TSNARE1: variants seen among roughly 807,000 people sequenced by gnomAD.
TSNARE1 encodes the protein t-SNARE domain containing 1, also known as t-SNARE domain-containing protein 1.
Under a neutral mutation model 62.0 loss-of-function variants are expected in TSNARE1, and 49 were observed. That is an observed-to-expected ratio of 0.79 (90% CI 0.63 to 1.00). TSNARE1 has a LOEUF of 1.00. Among genes scored for constraint, TSNARE1 ranks in the 50% least tolerant of loss-of-function variants. The pLI is 0.00. For synonymous variants in TSNARE1, 328 were observed against 294.4 expected (o/e 1.11, Z -1.17); for missense variants, 755 against 700.1 (o/e 1.08, Z -0.88).
chr8:142,259,174 G>A (rs940871594), intron 12 of TSNARE1, among the ~76,000 whole-genome samples: 4 of 152,252 alleles, frequency 2.6e-5, no homozygotes, highest in Admixed American at 6.5e-5. Flanking sequence ...CTGAGGACGG[G>A]GCCGAGGGGC....
chr8:142,334,006 G>A (rs373661210), intron 4 of TSNARE1, among the ~76,000 whole-genome samples: 3 of 152,252 alleles, frequency 2.0e-5, no homozygotes, highest in East Asian at 1.9e-4. Context: ...GCCTAAAGGC[G>A]CCTCCTTACA....
intron 1 of TSNARE1, among the ~76,000 whole-genome samples, chr8:142,380,577 C>T (rs552881288): frequency 3.3e-5 from 5 of 150,688 alleles, no homozygotes; most frequent in East Asian, 2.0e-4. Context: ...CTCCATGGGG[C>T]TCCCCAGCCA....
At chr8:142,250,122 TG>T (rs1818091392) in intron 12 of TSNARE1, among the ~76,000 whole-genome samples, 1 of 152,122 alleles carries the variant, frequency 6.6e-6, no homozygotes, top group African/African-American at 2.4e-5. Flanking sequence ...AGCGCAGCAG[TG>T]TGCTGGAGTC....
At chr8:142,225,944 G>T (rs1173348768) in intron 13 of TSNARE1, among the ~76,000 whole-genome samples, 5 of 152,172 alleles carry the variant, frequency 3.3e-5, no homozygotes, top group African/African-American at 4.8e-5. Context: ...GGTGCCAGGT[G>T]TTTCTAGGCT....
At chr8:142,237,323 G>C (rs1013194160) in intron 12 of TSNARE1, among the ~76,000 whole-genome samples, 2 of 152,244 alleles carry the variant, frequency 1.3e-5, no homozygotes, top group Admixed American at 6.5e-5. Flanking sequence ...GTCTTGGCCT[G>C]TTCAGGCCTG....
At chr8:142,337,034 GA>G (rs980079262) in intron 4 of TSNARE1, among the ~76,000 whole-genome samples, 10 of 149,900 alleles carry the variant, frequency 6.7e-5, no homozygotes, top group South Asian at 2.1e-4. Context: ...TAAATACTTA[GA>G]AAAAAAAAGA....
intron 9 of TSNARE1, among the ~76,000 whole-genome samples, chr8:142,308,621 GGT>G (rs1827085351): frequency 6.6e-6 from 1 of 152,094 alleles, no homozygotes; most frequent in Admixed American, 6.5e-5. Flanking sequence ...TCCACGGGCT[GGT>G]GTGTCTAGCC....
chr8:142,312,931 C>T (rs1269432632), intron 9 of TSNARE1, among the ~76,000 whole-genome samples: 1 of 152,238 alleles, frequency 6.6e-6, no homozygotes, highest in Non-Finnish European at 1.5e-5. Flanking sequence ...ATGCGTGCCT[C>T]TCTAGGCTTG....
intron 12 of TSNARE1, among the ~76,000 whole-genome samples, chr8:142,244,981 G>A (rs1180649221): frequency 1.3e-5 from 2 of 152,222 alleles, no homozygotes; most frequent in South Asian, 2.1e-4. Flanking sequence ...CCATCATTAC[G>A]ACGGAAAAAA....
At chr8:142,328,937 G>A (rs1023305550) in intron 6 of TSNARE1, among the ~76,000 whole-genome samples, 5 of 152,296 alleles carry the variant, frequency 3.3e-5, no homozygotes, top group African/African-American at 9.6e-5. Flanking sequence ...ATGTATTCGG[G>A]TGGAAGGACC....
chr8:142,294,541 G>A (rs1002433954), intron 10 of TSNARE1, among the ~76,000 whole-genome samples: 9 of 152,180 alleles, frequency 5.9e-5, no homozygotes, highest in East Asian at 1.9e-4. Flanking sequence ...CTGTGTGGCC[G>A]TGGGCACCCT....
intron 9 of TSNARE1, among the ~76,000 whole-genome samples, chr8:142,304,476 C>T (rs566101267): frequency 6.6e-6 from 1 of 152,338 alleles, no homozygotes; most frequent in East Asian, 1.9e-4. Context: ...TCAAGCTCCA[C>T]CCACACGGTC....
chr8:142,264,140 CCTAG>C (rs1290128356), intron 12 of TSNARE1, among the ~76,000 whole-genome samples: 4 of 152,148 alleles, frequency 2.6e-5, no homozygotes, highest in African/African-American at 7.2e-5. Flanking sequence ...TGTCTTTGTA[CCTAG>C]CTATTAACTT....
intron 9 of TSNARE1, among the ~76,000 whole-genome samples, chr8:142,306,124 ACT>A (rs1392302531): frequency 5.3e-5 from 8 of 152,034 alleles, no homozygotes; most frequent in South Asian, 2.1e-4. Context: ...GCAGCAACAG[ACT>A]CTATTTATTC....
chr8:142,221,086 C>T (rs1816189316), intron 13 of TSNARE1, among the ~76,000 whole-genome samples: 1 of 152,256 alleles, frequency 6.6e-6, no homozygotes, highest in Non-Finnish European at 1.5e-5. Flanking sequence ...TCCTGCCTCA[C>T]TCCACCGTGC....
chr8:142,370,617 C>A (rs1205540170), intron 1 of TSNARE1, among the ~76,000 whole-genome samples: 1 of 151,856 alleles, frequency 6.6e-6, no homozygotes, highest in Non-Finnish European at 1.5e-5. Flanking sequence ...GCTCAGAGAA[C>A]ACTACAGAAA....
intron 6 of TSNARE1, 145 bp from the exon 7 acceptor site, chr8:142,318,779 G>T (rs1828991923): frequency 3.0e-6 from 2 of 660,360 alleles, no homozygotes; most frequent in Non-Finnish European, 5.3e-6. Context: ...AGAGGGCCGA[G>T]AGACACACAG....
At chr8:142,344,927 GC>G (rs1200343530) in intron 3 of TSNARE1, among the ~76,000 whole-genome samples, 1 of 152,212 alleles carries the variant, frequency 6.6e-6, no homozygotes, top group African/African-American at 2.4e-5. Context: ...ACAACTAAGA[GC>G]CCTCTGAGCA....
intron 13 of TSNARE1, among the ~76,000 whole-genome samples, chr8:142,220,810 G>C (rs936755214): frequency 6.6e-6 from 1 of 152,162 alleles, no homozygotes; most frequent in Non-Finnish European, 1.5e-5. Context: ...TAAAAACCTG[G>C]CCTGGCACCC....
Sources: allele counts gnomAD v4.1 joint callset (sites outside exome capture counted in the v4.1 genomes callset), GRCh38; gene constraint gnomAD v4.1.1; transcripts MANE v1.5; gene names NCBI Gene and HGNC (gene_info 2026-07-23, HGNC 2026-07-21).